MAST1: variants seen among roughly 807,000 people sequenced by gnomAD.
The protein encoded by MAST1 is microtubule-associated serine/threonine-protein kinase 1.
In MAST1, 40 loss-of-function variants were observed where a neutral mutation model predicts 124.6. The ratio of observed to expected loss-of-function variants is 0.32; its 90% CI spans 0.25 to 0.42. The LOEUF (loss-of-function observed/expected upper bound fraction) is 0.42, where lower values mean the gene tolerates loss of function less well. Among genes scored for constraint, MAST1 ranks in the 10% least tolerant of loss-of-function variants. The pLI is 1.00. For missense variants in MAST1, 1,558 were observed against 2,181.9 expected (o/e 0.71, Z 5.70); for synonymous variants, 938 against 939.4 (o/e 1.00, Z 0.03).
chr19:12,848,116 T>C (rs1015955211), intron 7 of MAST1, 59 bp downstream of exon 7: 1 of 1,476,914 alleles, frequency 6.8e-7, no homozygotes, highest in Non-Finnish European at 9.3e-7. Flanking sequence ...TTGTGCCCAA[T>C]GCACCCCTTT....
At position 12,855,904 on chromosome 19, in the gene MAST1, C is replaced by T. The variant is rs554596759; in HGVS notation, c.1078-2458C>T. On this transcript the variant is annotated intron_variant, in intron 10 of 25. Coordinates refer to ENST00000251472, the MANE Select transcript of MAST1 (RefSeq NM_014975.3). ...AATAGTTTCTGAGAGAAATGTGAAA[C>T]CTTATTTTAAGCAAATTCTCCTTGT... 2.0e-5 allele frequency among the ~76,000 whole-genome samples: 3 copies of T among 151,390 alleles called. No individual in the cohort carries two copies. The South Asian group carries it at 6.3e-4, about 32-fold the overall frequency.
chr19:12,873,250 A>C (rs773836451), intron 24 of MAST1, 74 bp from the exon 25 acceptor site: 39 of 1,464,294 alleles, frequency 2.7e-5, no homozygotes, highest in Non-Finnish European at 3.4e-5. Context: ...TACCGTTGTG[A>C]GGCCGTGAAA....
intron 4 of MAST1, among the ~76,000 whole-genome samples, chr19:12,845,652 A>AT (rs1219927144): frequency 0.052 from 6,717 of 130,270 alleles, 657 homozygotes; most frequent in African/African-American, 0.17. Context: ...TGACCCAGCA[A>AT]TTTTTTTTTT....
intron 10 of MAST1, among the ~76,000 whole-genome samples, chr19:12,852,932 AATTTACTTTT>A (rs2145896067): frequency 1.3e-5 from 2 of 152,026 alleles, no homozygotes; most frequent in African/African-American, 4.8e-5. Context: ...CATAAAATTT[AATTTACTTTT>A]TTAACCATTT....
In MAST1 at chr19:12,843,249, C is replaced by T. The variant is rs1969852901; in HGVS notation, c.249-280C>T. On this transcript the variant is annotated intron_variant, in intron 3 of 25. Transcript: ENST00000251472. The surrounding 1 kb of genome is among the most constrained non-coding windows in gnomAD (Gnocchi z 4.9). ...TTCTAGAATCTCTCTGGAAAGGCTT[C>T]ACTGGGTGGGGGCTTTTCCAGTTCT... 6.7e-6 allele frequency among the ~76,000 whole-genome samples: 1 copy of T among 150,144 alleles called. No individual in the cohort carries two copies. The highest frequency in any genetic ancestry group is 2.5e-5 in the African/African-American group (1 of 40,684).
At position 12,869,236 on chromosome 19, in the gene MAST1, C is replaced by T; in HGVS notation, c.2944C>T (p.Arg982Cys). ...RSGKKYGFTL[R>C]AIRVYMGDTD... ...GGGCAAGAAGTATGGCTTCACACTGCGTGCCATCCGTGTCTACATGGGTGA... is the reference window on the plus strand; with the variant it reads ...GGGCAAGAAGTATGGCTTCACACTGTGTGCCATCCGTGTCTACATGGGTGA... The change falls in exon 22 of 26, where the codon CGT becomes TGT. Residue 982 changes from arginine to cysteine, a missense_variant. By Grantham distance (180) the Arg-to-Cys change is radical. Around this residue, in one of 10 missense-constraint regions of MAST1, gnomAD observed 291 missense variants for 475.8 expected, o/e 0.61. Transcript: ENST00000251472. The T allele has an allele frequency of 6.2e-7, 1 of 1,614,112 alleles. No homozygotes were observed. The highest frequency in any genetic ancestry group is 8.5e-7 in the Non-Finnish European group (1 of 1,180,018).
chr19:12,855,394 G>A (rs1428563608), intron 10 of MAST1, among the ~76,000 whole-genome samples: 2 of 152,086 alleles, frequency 1.3e-5, no homozygotes, highest in African/African-American at 2.4e-5. Flanking sequence ...AGCCAAGGTG[G>A]CAGGATTGCT....
At chr19:12,869,691 C>A (rs896591368) in intron 22 of MAST1, among the ~76,000 whole-genome samples, 1 of 151,986 alleles carries the variant, frequency 6.6e-6, no homozygotes, top group African/African-American at 2.4e-5. Context: ...CCACCTCGGC[C>A]TCTCAAACTG....
chr19:12,840,468 A>C lies in MAST1; in HGVS notation c.106A>C (p.Ser36Arg), dbSNP rs1309739312. 2 of 1,613,848 alleles carry C rather than the reference A, an allele frequency of 1.2e-6. No individual in the cohort carries two copies. Among genetic ancestry groups the C allele is most frequent in the South Asian group, 1.1e-5 (1 of 91,028 alleles). The change falls in exon 2 of 26, where the codon AGC becomes CGC. Residue 36 changes from serine to arginine, a missense_variant. Physicochemically the swap from Ser to Arg is moderately radical, Grantham distance 110 (BLOSUM62 -1). This residue lies in a region of MAST1 where 42 missense variants were observed against 54.6 expected (regional missense o/e 0.77). Transcript: ENST00000251472. ...TKSCRTSNRKSLILTSTSPTL... is the reference protein window; with the variant it reads ...TKSCRTSNRKRLILTSTSPTL... ...CAGCTGCCGCACCAGTAATCGGAAAAGCCTCATCCTGACCAGCACTTCACC... is the reference window on the plus strand; with the variant it reads ...CAGCTGCCGCACCAGTAATCGGAAACGCCTCATCCTGACCAGCACTTCACC...
At chr19:12,857,372 G>A (rs1302213415) in intron 10 of MAST1, among the ~76,000 whole-genome samples, 1 of 151,856 alleles carries the variant, frequency 6.6e-6, no homozygotes, top group African/African-American at 2.4e-5. Flanking sequence ...GCCTCCCAAA[G>A]TGCTGGGGTT....
Position 12,838,597 on chromosome 19 carries a change from C to T in MAST1, c.25C>T (p.Leu9Phe). 1 of 1,610,028 alleles carries T rather than the reference C, an allele frequency of 6.2e-7. No individual in the cohort carries two copies. Among genetic ancestry groups the T allele is most frequent in the Non-Finnish European group, 8.5e-7 (1 of 1,178,594 alleles). MSDSLWTA[L>F]SNFSMPSFPG... ...CATGTCTGACTCTCTCTGGACCGCG[C>T]TTTCTAATTTCTCGATGCCCTCCTT... Residue 9 changes from leucine (L) to phenylalanine (F), a missense_variant, in exon 1 of 26, where the codon CTT becomes TTT. Leu to Phe is a conservative substitution (Grantham distance 22, BLOSUM62 0). This residue lies in a region of MAST1 where 42 missense variants were observed against 54.6 expected (regional missense o/e 0.77). Coordinates refer to ENST00000251472, the MANE Select transcript of MAST1 (RefSeq NM_014975.3). The surrounding 1 kb of genome is among the most constrained non-coding windows in gnomAD (Gnocchi z 4.3).
Position 12,867,584 on chromosome 19 carries a change from C to T in MAST1, c.2250C>T (p.Ala750=), listed in dbSNP as rs761067659. The T allele has an allele frequency of 6.2e-7, 1 of 1,613,234 alleles. No individual in the cohort carries two copies. The highest frequency in any genetic ancestry group is 1.1e-5 in the South Asian group (1 of 91,034). ...CCAAGGGCCCCGAGGAGAAGGTGGC[C>T]GGCAAGCGGGAGGGGCTGGGCGGCC... The part of the protein sequence containing the change: ...PSTKGPEEKV[A]GKREGLGGLT... Residue 750 remains alanine (A), a synonymous_variant, in exon 19 of 26, where the codon GCC becomes GCT. Transcript: ENST00000251472.
Position 12,843,459 on chromosome 19 carries a change from C to A in MAST1, c.249-70C>A. On this transcript the variant is annotated intron_variant, in intron 3 of 25. Coordinates refer to ENST00000251472, the MANE Select transcript of MAST1 (RefSeq NM_014975.3). The surrounding 1 kb of genome is among the most constrained non-coding windows in gnomAD (Gnocchi z 4.9). ...CCACCCTGGCCCTGGCCAGTGGCTT[C>A]ACCCACACCCTGAGGAGTTGGGGGA... 7.8e-7 allele frequency: 1 copy of A among 1,276,960 alleles called. No individual in the cohort carries two copies. Among genetic ancestry groups the A allele is most frequent in the Non-Finnish European group, 1.1e-6 (1 of 888,084 alleles). The allele number at this position is 1,276,960 out of a possible 1,614,324, so 79.1% of individuals were successfully genotyped here.
chr19:12,851,188 T>G (rs1347084121), intron 7 of MAST1, among the ~76,000 whole-genome samples: 2 of 152,102 alleles, frequency 1.3e-5, no homozygotes, highest in Non-Finnish European at 2.9e-5. Flanking sequence ...CCTCAAGTAA[T>G]TCACCCTCCT....
rs1416409199 is a variant in MAST1, at chr19:12,838,528, C to A, written c.-45C>A. 49 of 1,420,828 alleles carry A rather than the reference C, an allele frequency of 3.4e-5. No homozygotes were observed. The highest frequency in any genetic ancestry group is 4.3e-5 in the Non-Finnish European group (46 of 1,072,580). 88.0% of individuals were successfully genotyped at this position (1,420,828 alleles called of 1,614,324 possible). ...CCCCGCGCCGCCGCCGCCGCCGCCT[C>A]CGCCGCTGCTGCCGCACCTGCCACC... On this transcript the variant is annotated 5_prime_UTR_variant, in exon 1 of 26. Transcript: ENST00000251472. The surrounding 1 kb of genome is among the most constrained non-coding windows in gnomAD (Gnocchi z 4.3).
chr19:12,874,100 C>A lies in MAST1; in HGVS notation c.3943C>A (p.Pro1315Thr), dbSNP rs1200924280. 2.6e-6 allele frequency: 4 copies of A among 1,558,792 alleles called. No homozygotes were observed. In the African/African-American group the frequency reaches 4.1e-5, roughly 16 times the overall value. Residue 1315 changes from proline (P) to threonine (T), a missense_variant, in exon 26 of 26, where the codon CCC becomes ACC. This residue lies in a region of MAST1 where 263 missense variants were observed against 310.9 expected (regional missense o/e 0.85). Transcript: ENST00000251472. The surrounding 1 kb of genome is among the most constrained non-coding windows in gnomAD (Gnocchi z 6.6). ...HSLAESDGET[P>T]PVEGLGAPRQ... ...CCTTGCCGAGTCCGACGGTGAGACG[C>A]CCCCAGTCGAGGGCCTTGGCGCGCC...
rs763105254 is a variant in MAST1, at chr19:12,874,065, C to A, written c.3908C>A (p.Ala1303Glu). The A allele has an allele frequency of 6.3e-7, 1 of 1,594,176 alleles. No individual in the cohort carries two copies. The highest frequency in any genetic ancestry group is 1.8e-5 in the Admixed American group (1 of 56,622). ...CGCAAGGACTTCCATGGCGAGCTGGCGCTGCATAGCCTTGCCGAGTCCGAC... is the reference window on the plus strand; with the variant it reads ...CGCAAGGACTTCCATGGCGAGCTGGAGCTGCATAGCCTTGCCGAGTCCGAC... ...DFRKDFHGEL[A>E]LHSLAESDGE... is the part of the protein sequence containing the mutation. The change falls in exon 26 of 26, where the codon GCG (alanine) becomes GAG (glutamate). Residue 1303 changes from alanine (A) to glutamate (E), a missense_variant. Around this residue, in one of 10 missense-constraint regions of MAST1, gnomAD observed 263 missense variants for 310.9 expected, o/e 0.85. Transcript: ENST00000251472. The surrounding 1 kb of genome is among the most constrained non-coding windows in gnomAD (Gnocchi z 6.6).
In MAST1 at chr19:12,847,157, C is replaced by G; in HGVS notation, c.328-133C>G. 1.5e-6 allele frequency: 1 copy of G among 654,238 alleles called. No homozygotes were observed. Among genetic ancestry groups the G allele is most frequent in the Non-Finnish European group, 2.7e-6 (1 of 370,358 alleles). 40.5% of individuals were successfully genotyped at this position (654,238 alleles called of 1,614,324 possible). ...AGAGTCCCAGCCAAGATCCTAGGATCCAAGGATCGTAAATCAGGTCCTGAT... is the reference window on the plus strand; with the variant it reads ...AGAGTCCCAGCCAAGATCCTAGGATGCAAGGATCGTAAATCAGGTCCTGAT... On this transcript the variant is annotated intron_variant, in intron 4 of 25. Transcript: ENST00000251472. The surrounding 1 kb of genome is among the most constrained non-coding windows in gnomAD (Gnocchi z 5.5).
At chr19:12,863,185 A>T (rs1220690850) in intron 12 of MAST1, among the ~76,000 whole-genome samples, 5 of 150,016 alleles carry the variant, frequency 3.3e-5, no homozygotes, top group Admixed American at 6.7e-5. Flanking sequence ...AAAAAAAGAG[A>T]AAAAGAAAAA....
Sources: gnomAD v4.1 joint callset for allele counts (sites outside exome capture counted in the v4.1 genomes callset) on GRCh38, gnomAD v4.1.1 for gene constraint, gnomAD v4.1.1 regional missense constraint, Gnocchi (gnomAD v3.1) non-coding constraint, MANE v1.5 for transcripts, NCBI Gene and HGNC (gene_info 2026-07-23, HGNC 2026-07-21) for gene names.